RANBP2: variants seen among roughly 807,000 people sequenced by gnomAD.
The protein encoded by RANBP2 is E3 SUMO-protein ligase RanBP2.
A neutral mutation model predicts 303.6 loss-of-function variants in RANBP2; 57 were observed. The observed-to-expected ratio is 0.19, with a 90% CI of 0.15 to 0.23. The LOEUF (loss-of-function observed/expected upper bound fraction) is 0.23, where lower values mean the gene tolerates loss of function less well. RANBP2 is among the 10% of genes least tolerant of loss of function. The probability of loss-of-function intolerance (pLI) is 1.00; values close to 1 mark genes in which losing one functional copy is unlikely to be tolerated. For missense variants in RANBP2, 3,138 were observed against 3,780.8 expected (o/e 0.83, Z 4.46); for synonymous variants, 1,167 against 1,301.5 (o/e 0.90, Z 2.23).
At chr2:109,056,567 ACT>A in the RANBP2 span, among the ~76,000 whole-genome samples, 1 of 152,180 alleles carries the variant, frequency 6.6e-6, no homozygotes, top group African/African-American at 2.4e-5. Context: ...TGGCTCTTCT[ACT>A]ACCTCTGCAG....
At chr2:109,182,605 G>A in the RANBP2 span, among the ~76,000 whole-genome samples, 8 of 152,178 alleles carry the variant, frequency 5.3e-5, no homozygotes, top group Admixed American at 2.6e-4. Context: ...AGAATGAATC[G>A]ATGTTGCGTA....
chr2:108,723,894 TTG>T, intron 1 of RANBP2, among the ~76,000 whole-genome samples: 1 of 69,230 alleles, frequency 1.4e-5, no homozygotes, highest in Non-Finnish European at 2.5e-5. Context: ...GCTTAAAACA[TTG>T]ATTGATTGAT....
At chr2:109,244,160 T>C in the RANBP2 span, among the ~76,000 whole-genome samples, 1 of 152,240 alleles carries the variant, frequency 6.6e-6, no homozygotes, top group Non-Finnish European at 1.5e-5. Context: ...TTTTTTGTAC[T>C]GTTTGAAGGA....
intron 7 of RANBP2, among the ~76,000 whole-genome samples, chr2:108,746,394 A>T (rs199548707): frequency 7.0e-6 from 1 of 142,792 alleles, no homozygotes; most frequent in Non-Finnish European, 1.5e-5. Context: ...TTTTTTTTTT[A>T]TTATTTTTAG....
At chr2:108,880,551 G>A in the RANBP2 span, among the ~76,000 whole-genome samples, 6 of 152,132 alleles carry the variant, frequency 3.9e-5, no homozygotes, top group Admixed American at 6.5e-5. Context: ...TGACTCTCTT[G>A]TTAGAGTTTA....
the RANBP2 span, among the ~76,000 whole-genome samples, chr2:109,090,540 T>G: frequency 2.0e-5 from 3 of 152,106 alleles, no homozygotes; most frequent in African/African-American, 7.2e-5. Flanking sequence ...CCTAGGAGAC[T>G]CTCCAGCTTC....
the RANBP2 span, among the ~76,000 whole-genome samples, chr2:109,438,623 A>G: frequency 1.3e-5 from 2 of 152,194 alleles, no homozygotes; most frequent in Non-Finnish European, 2.9e-5. Context: ...CCTGGGAAAG[A>G]ATCTGCAGCA....
the RANBP2 span, among the ~76,000 whole-genome samples, chr2:109,558,874 A>G: frequency 4.0e-5 from 6 of 151,604 alleles, 1 homozygote; most frequent in Admixed American, 3.3e-4. Flanking sequence ...AAGACTCCCG[A>G]GAAAACAGAT....
chr2:108,784,559 C>CT lies in RANBP2; in HGVS notation c.*661dup, dbSNP rs1467108385. 3 of 152,532 alleles carry CT rather than the reference C, an allele frequency of 2.0e-5. No individual in the cohort carries two copies. Among genetic ancestry groups the CT allele is most frequent in the Non-Finnish European group, 4.4e-5 (3 of 68,026 alleles). The allele number at this position is 152,532 out of a possible 1,614,324, so 9.4% of individuals were successfully genotyped here. ...ACATTTTAAACAAGTTGACTATTTC[C>CT]TTTAGGGGTTTTGTTTCAAACTTTT... On this transcript the variant is annotated 3_prime_UTR_variant, in exon 29 of 29. Coordinates refer to ENST00000283195, the MANE Select transcript of RANBP2 (RefSeq NM_006267.5).
the RANBP2 span, among the ~76,000 whole-genome samples, chr2:109,373,501 T>C: frequency 2.6e-5 from 4 of 152,200 alleles, no homozygotes; most frequent in African/African-American, 9.6e-5. Context: ...AGTAATGGCT[T>C]TAAGGGCATA....
At chr2:109,769,483 GT>G in the RANBP2 span, among the ~76,000 whole-genome samples, 1 of 54,762 alleles carries the variant, frequency 1.8e-5, no homozygotes. Context: ...TCTAAGGAGG[GT>G]GTGTGCGTGC....
the RANBP2 span, among the ~76,000 whole-genome samples, chr2:109,088,734 A>T: frequency 2.6e-5 from 4 of 151,968 alleles, no homozygotes; most frequent in African/African-American, 9.7e-5. Context: ...CTGGTCTCGA[A>T]CTCCTGACCT....
the RANBP2 span, among the ~76,000 whole-genome samples, chr2:109,125,588 C>T: frequency 9.2e-5 from 14 of 152,314 alleles, 1 homozygote; most frequent in South Asian, 2.9e-3. Context: ...CCTGACCACC[C>T]CCCACCTTAA....
At chr2:109,576,901 A>G in the RANBP2 span, among the ~76,000 whole-genome samples, 1 of 152,224 alleles carries the variant, frequency 6.6e-6, no homozygotes, top group African/African-American at 2.4e-5. Context: ...AACAGAAAAG[A>G]GGGCAGAAGC....
the RANBP2 span, chr2:109,564,557 AGAACAACACTG>A: frequency 6.8e-7 from 1 of 1,466,300 alleles, no homozygotes; most frequent in East Asian, 2.4e-5. Flanking sequence ...AAATAAGAAA[AGAACAACACTG>A]GATTTTAATT....
the RANBP2 span, among the ~76,000 whole-genome samples, chr2:109,133,322 G>C: frequency 6.6e-6 from 1 of 152,184 alleles, no homozygotes; most frequent in Non-Finnish European, 1.5e-5. Context: ...CATTGGATCC[G>C]TTTGAAAATC....
chr2:109,758,863 A>T, the RANBP2 span: 1 of 146,740 alleles, frequency 6.8e-6, no homozygotes, highest in Non-Finnish European at 1.5e-5. Flanking sequence ...AATGCAAGTT[A>T]TAATAGGATT....
chr2:108,853,881 A>AT, the RANBP2 span, among the ~76,000 whole-genome samples: 1 of 123,830 alleles, frequency 8.1e-6, no homozygotes, highest in South Asian at 2.2e-4. Flanking sequence ...ACTATATAAT[A>AT]TATTATATAG....
the RANBP2 span, chr2:109,437,028 G>GCCCAT: frequency 6.2e-7 from 1 of 1,613,840 alleles, no homozygotes; most frequent in Non-Finnish European, 8.5e-7. Context: ...GGCCCGCCCT[G>GCCCAT]CCCATCACCA....
Sources: gnomAD v4.1 joint callset for allele counts (sites outside exome capture counted in the v4.1 genomes callset) on GRCh38, gnomAD v4.1.1 for gene constraint, MANE v1.5 for transcripts, NCBI Gene and HGNC (gene_info 2026-07-23, HGNC 2026-07-21) for gene names.